NCOR2: variants seen among roughly 807,000 people sequenced by gnomAD.
NCOR2 encodes nuclear receptor corepressor 2.
A neutral mutation model predicts 262.9 loss-of-function variants in NCOR2; 81 were observed. The observed-to-expected ratio is 0.31, with a 90% CI of 0.26 to 0.37. The LOEUF is 0.37. NCOR2 is among the 10% of genes least tolerant of loss of function. NCOR2 has a pLI of 1.00. For synonymous variants in NCOR2, 1,659 were observed against 1,559.3 expected (o/e 1.06, Z -1.51); for missense variants, 3,385 against 3,621.4 (o/e 0.93, Z 1.68).
At chr12:124,558,936 G>A (rs938266680) in intron 1 of NCOR2, among the ~76,000 whole-genome samples, 1 of 152,148 alleles carries the variant, frequency 6.6e-6, no homozygotes, top group African/African-American at 2.4e-5. Flanking sequence ...CAGACCTGTG[G>A]GTCCCCCCAG....
intron 1 of NCOR2, among the ~76,000 whole-genome samples, chr12:124,512,172 A>C (rs1472078638): frequency 6.6e-6 from 1 of 152,170 alleles, no homozygotes; most frequent in African/African-American, 2.4e-5. Flanking sequence ...TCGGCCTCCC[A>C]AAGTGCTGGG....
At chr12:124,509,915 G>A (rs1593898155) in intron 1 of NCOR2, among the ~76,000 whole-genome samples, 1 of 152,194 alleles carries the variant, frequency 6.6e-6, no homozygotes, top group East Asian at 1.9e-4. Flanking sequence ...GGTTTCCGGA[G>A]GAACATCACG....
In NCOR2 at chr12:124,362,304, G is replaced by A; in HGVS notation, c.2929-7C>T. 1 of 1,321,554 alleles carries A rather than the reference G, an allele frequency of 7.6e-7. No homozygotes were observed. The allele number at this position is 1,321,554 out of a possible 1,614,324, so 81.9% of individuals were successfully genotyped here. On this transcript the variant is annotated splice_polypyrimidine_tract_variant and splice_region_variant and intron_variant, in intron 21 of 46. Coordinates refer to ENST00000405201, the Ensembl canonical transcript of NCOR2. ...CATGGACTTTGGTGACCTGCTGAGG[G>A]AAGCAGGCAGAAGTGAGCATTCACA...
At chr12:124,424,619 G>C (rs941238380) in intron 11 of NCOR2, among the ~76,000 whole-genome samples, 15 of 152,134 alleles carry the variant, frequency 9.9e-5, no homozygotes, top group African/African-American at 3.6e-4. Flanking sequence ...TGTCCTTTCT[G>C]AGTTCGGTAT....
chr12:124,499,726 C>G (rs2048591140), upstream of NCOR2, among the ~76,000 whole-genome samples: 1 of 152,104 alleles, frequency 6.6e-6, no homozygotes, highest in Admixed American at 6.5e-5. Context: ...ATTCAGGGCC[C>G]CATGGGCCCG....
chr12:124,495,438 C>A, upstream of NCOR2: 1 of 1,222,494 alleles, frequency 8.2e-7, no homozygotes, highest in Non-Finnish European at 1.1e-6. The surrounding 1 kb of genome is among the most constrained non-coding windows in gnomAD (Gnocchi z 4.4). Flanking sequence ...CACAGGTCCC[C>A]GAGTCGTTCC....
At chr12:124,527,305 G>A (rs1467887028) in intron 1 of NCOR2, among the ~76,000 whole-genome samples, 1 of 152,198 alleles carries the variant, frequency 6.6e-6, no homozygotes, top group Non-Finnish European at 1.5e-5. Context: ...TTCACTGGCT[G>A]TGTGACCTCG....
chr12:124,370,134 G>A (rs2039377824), intron 20 of NCOR2, among the ~76,000 whole-genome samples: 1 of 152,218 alleles, frequency 6.6e-6, no homozygotes, highest in African/African-American at 2.4e-5. Flanking sequence ...GGCCCTGGCT[G>A]CCTGCCTCCA....
intron 3 of NCOR2, among the ~76,000 whole-genome samples, chr12:124,478,247 T>C (rs546963961): frequency 1.3e-5 from 2 of 152,296 alleles, no homozygotes; most frequent in East Asian, 3.9e-4. Context: ...GTCACCTAGA[T>C]CAAGCTGTTA....
intron 8 of NCOR2, among the ~76,000 whole-genome samples, chr12:124,431,167 C>T (rs1354674500): frequency 6.9e-6 from 1 of 145,446 alleles, no homozygotes; most frequent in African/African-American, 2.8e-5. Flanking sequence ...CAGACACACA[C>T]AGATACACAA....
rs1031554275 is a variant in NCOR2, at chr12:124,531,447, C to A, written c.-118+4118G>T. Among the ~76,000 whole-genome samples, 4 of 152,098 alleles carry A rather than the reference C, an allele frequency of 2.6e-5. No homozygotes were observed. Among genetic ancestry groups the A allele is most frequent in the Non-Finnish European group, 5.9e-5 (4 of 68,006 alleles). On this transcript the variant is annotated intron_variant, in intron 1 of 46. Transcript: ENST00000404621. The surrounding 1 kb of genome is among the most constrained non-coding windows in gnomAD (Gnocchi z 4.5). ...CCTCCTCTCAGCCCGCCATCACAGG[C>A]ACCATTAATTGCTGTCATTTGAGGG...
intron 1 of NCOR2, among the ~76,000 whole-genome samples, chr12:124,501,492 CTCT>C (rs2048733380): frequency 6.9e-6 from 1 of 144,998 alleles, no homozygotes; most frequent in African/African-American, 2.7e-5. Context: ...CCTCTGGGGG[CTCT>C]GGGGGAGGCC....
exon 37 of NCOR2, chr12:124,340,078 G>C (rs1166204295): frequency 6.2e-7 from 1 of 1,613,024 alleles, no homozygotes; most frequent in South Asian, 1.1e-5. Context: ...AAGCACACTG[G>C]GTCTCTGCTG....
chr12:124,371,507 T>C (rs1322148276), intron 20 of NCOR2, among the ~76,000 whole-genome samples: 1 of 152,188 alleles, frequency 6.6e-6, no homozygotes, highest in Non-Finnish European at 1.5e-5. Flanking sequence ...GACACAGAGA[T>C]GCACAGGGCG....
chr12:124,520,915 C>T (rs1017199501), intron 1 of NCOR2, among the ~76,000 whole-genome samples: 1 of 152,168 alleles, frequency 6.6e-6, no homozygotes, highest in South Asian at 2.1e-4. Context: ...TATGATTCAC[C>T]GCAGGCCACA....
chr12:124,502,251 G>A lies in NCOR2; in HGVS notation c.-117-6883C>T, dbSNP rs870711. Among the ~76,000 whole-genome samples, 1,026 of 152,322 alleles carry A rather than the reference G, an allele frequency of 6.7e-3. 37 individuals are homozygous for A. Among genetic ancestry groups the A allele is most frequent in the Admixed American group, 0.056 (860 of 15,296 alleles). The stretch of plus-strand genomic sequence containing the variant: ...AGAGAGAGCTCCTGCTGCCCGGCCT[G>A]GTGGCTCACTCTGTCTACCACGATT... On this transcript the variant is annotated intron_variant, in intron 1 of 46. Transcript: ENST00000404621.
intron 8 of NCOR2, among the ~76,000 whole-genome samples, chr12:124,433,837 CTCTG>C (rs1242575729): frequency 4.7e-5 from 7 of 149,964 alleles, no homozygotes; most frequent in South Asian, 2.1e-4. Context: ...CCCTCCCTCT[CTCTG>C]TCTTACACAC....
At chr12:124,470,788 T>C (rs1006024122) in intron 4 of NCOR2, among the ~76,000 whole-genome samples, 2 of 152,254 alleles carry the variant, frequency 1.3e-5, no homozygotes, top group African/African-American at 4.8e-5. Flanking sequence ...TTGTGCACTT[T>C]AAAATAATTA....
chr12:124,387,404 C>T (rs1239007094), intron 16 of NCOR2, among the ~76,000 whole-genome samples: 1 of 152,268 alleles, frequency 6.6e-6, no homozygotes, highest in African/African-American at 2.4e-5. Flanking sequence ...TCCTTGCTGT[C>T]ATGGCTGTGA....
Sources: gnomAD v4.1 joint callset for allele counts (sites outside exome capture counted in the v4.1 genomes callset) on GRCh38, gnomAD v4.1.1 for gene constraint, Gnocchi (gnomAD v3.1) non-coding constraint, MANE v1.5 for transcripts, NCBI Gene and HGNC (gene_info 2026-07-23, HGNC 2026-07-21) for gene names.